DOCK1: variants seen among roughly 807,000 people sequenced by gnomAD.
DOCK1 encodes the protein dedicator of cytokinesis 1, also known as dedicator of cytokinesis protein 1.
A neutral mutation model predicts 262.7 loss-of-function variants in DOCK1; 138 were observed. The observed-to-expected ratio is 0.53, with a 90% CI of 0.46 to 0.61. The LOEUF is 0.61. Ranked by LOEUF, DOCK1 falls within the 20% of genes least tolerant of loss-of-function variation. The pLI is 0.00. For missense variants in DOCK1, 1,908 were observed against 2,370.7 expected, an observed-to-expected ratio of 0.80 and a Z score of 4.05; for synonymous variants, 866 against 867.4, an observed-to-expected ratio of 1.00 and a Z score of 0.03.
chr10:127,197,072 G>A (rs2057226162), intron 27 of DOCK1, among the ~76,000 whole-genome samples: 1 of 152,152 alleles, frequency 6.6e-6, no homozygotes, highest in Admixed American at 6.5e-5. Flanking sequence ...CAGGAGTTCG[G>A]GGATCCTTTC....
intron 27 of DOCK1, among the ~76,000 whole-genome samples, chr10:127,229,494 T>C (rs2058761693): frequency 6.6e-6 from 1 of 152,028 alleles, no homozygotes; most frequent in Admixed American, 6.5e-5. Flanking sequence ...TGTTTGTCTT[T>C]CTGTGCCTTA....
At chr10:127,432,633 A>G (rs374386689) in intron 47 of DOCK1, among the ~76,000 whole-genome samples, 13 of 152,136 alleles carry the variant, frequency 8.5e-5, no homozygotes, top group African/African-American at 3.1e-4. Flanking sequence ...TGCTTCTGTA[A>G]TATGTCAAGA....
At chr10:127,193,853 G>T (rs901730117) in intron 27 of DOCK1, among the ~76,000 whole-genome samples, 2 of 152,192 alleles carry the variant, frequency 1.3e-5, no homozygotes, top group African/African-American at 4.8e-5. Context: ...AGTAAACAGA[G>T]TAATAGAGTA....
intron 23 of DOCK1, among the ~76,000 whole-genome samples, chr10:127,085,336 G>A (rs1470274607): frequency 6.6e-6 from 1 of 152,184 alleles, no homozygotes; most frequent in African/African-American, 2.4e-5. Context: ...GGGTACAGGT[G>A]GCAGTAATAT....
In DOCK1 at chr10:127,362,878, C is replaced by CACATGT. The variant is rs1565026646; in HGVS notation, c.3432+670_3432+671insGTACAT. Among the ~76,000 whole-genome samples the CACATGT allele has an allele frequency of 4.0e-3, 525 of 130,938 alleles. 8 individuals are homozygous for CACATGT. The highest frequency in any genetic ancestry group is 3.9e-3 in the Admixed American group (53 of 13,454). The allele number at this position is 130,938 out of a possible 152,430, so 85.9% of individuals were successfully genotyped here. A position where few individuals can be genotyped will look rare whatever the true frequency, so the allele number is the denominator to read the frequency against. ...ATGTACATCCCCACACACACACATA[C>CACATGT]ACATCCCCACACACACACACATGTA... is the stretch of plus-strand genomic sequence containing the variant. On this transcript the variant is annotated intron_variant, in intron 33 of 51. Coordinates refer to ENST00000623213, the MANE Select transcript of DOCK1 (RefSeq NM_001290223.2).
rs190426322 is a variant in DOCK1 at position 127,265,537 on chromosome 10, T to G, written c.3044+8108T>G. ...GTGGCCTCTCCTCCTCTCCCCATGA[T>G]TCATCCTTCTTTCAACCAGGAAGTG... On this transcript the variant is annotated intron_variant, in intron 29 of 51. Coordinates refer to ENST00000623213, the MANE Select transcript of DOCK1 (RefSeq NM_001290223.2). 4.6e-5 allele frequency among the ~76,000 whole-genome samples: 7 copies of G among 152,308 alleles called. No homozygotes were observed. In the East Asian group the frequency reaches 1.4e-3, roughly 29 times the overall value.
intron 27 of DOCK1, among the ~76,000 whole-genome samples, chr10:127,215,030 G>A (rs1015094685): frequency 4.6e-5 from 7 of 151,924 alleles, no homozygotes; most frequent in Non-Finnish European, 8.8e-5. Context: ...AGTCTCCCTC[G>A]GGCACCCTGA....
intron 1 of DOCK1, among the ~76,000 whole-genome samples, chr10:126,928,194 G>A (rs1375920393): frequency 2.0e-5 from 3 of 152,158 alleles, no homozygotes; most frequent in Non-Finnish European, 4.4e-5. Context: ...GAAAGGACTC[G>A]GAGCCTCCCA....
chr10:127,135,865 T>C (rs2050646748), intron 27 of DOCK1: 1 of 152,664 alleles, frequency 6.6e-6, no homozygotes, highest in East Asian at 1.9e-4. Flanking sequence ...ACTGAGATAG[T>C]TGGGATTCTT....
At chr10:127,401,301 A>G (rs2067211583) in intron 38 of DOCK1, among the ~76,000 whole-genome samples, 1 of 152,178 alleles carries the variant, frequency 6.6e-6, no homozygotes, top group Non-Finnish European at 1.5e-5. Context: ...CAGCAACCTC[A>G]GTTCTCACCT....
At chr10:127,061,858 C>A in intron 23 of DOCK1, 82 bp downstream of exon 23, 1 of 1,045,028 alleles carries the variant, frequency 9.6e-7, no homozygotes. Context: ...ATTTTGATTA[C>A]AGTTAATTAA....
intron 1 of DOCK1, among the ~76,000 whole-genome samples, chr10:126,906,299 T>C (rs2030805971): frequency 6.6e-6 from 1 of 152,140 alleles, no homozygotes. Flanking sequence ...CGAGTGCGCA[T>C]TCCTGAGAGG....
At chr10:127,185,226 T>C (rs1172269260) in intron 27 of DOCK1, among the ~76,000 whole-genome samples, 1 of 152,138 alleles carries the variant, frequency 6.6e-6, no homozygotes, top group Non-Finnish European at 1.5e-5. Flanking sequence ...CTTTACTTAC[T>C]GGTTTAAGAA....
chr10:127,201,800 T>C (rs2057472989), intron 27 of DOCK1, among the ~76,000 whole-genome samples: 1 of 152,132 alleles, frequency 6.6e-6, no homozygotes, highest in Admixed American at 6.5e-5. Flanking sequence ...ACAGAAACCC[T>C]TTATTTTGTT....
chr10:127,333,551 C>T (rs1274673378), intron 29 of DOCK1, among the ~76,000 whole-genome samples: 2 of 152,206 alleles, frequency 1.3e-5, no homozygotes, highest in Non-Finnish European at 2.9e-5. Flanking sequence ...TTGTTACTGG[C>T]ACATGGCTTT....
At chr10:127,287,637 C>T (rs2061206351) in intron 29 of DOCK1, among the ~76,000 whole-genome samples, 1 of 152,292 alleles carries the variant, frequency 6.6e-6, no homozygotes, top group South Asian at 2.1e-4. Context: ...GATAGATCTA[C>T]AGACTCAGTG....
At position 127,262,644 on chromosome 10, in the gene DOCK1, C is replaced by T. The variant is rs186340377; in HGVS notation, c.3044+5215C>T. ...GTCTGGAGACAGCTTGTTGAGAGACCCTTAAGTATTCTTTGACACCTTTGC... is the reference window on the plus strand; with the variant it reads ...GTCTGGAGACAGCTTGTTGAGAGACTCTTAAGTATTCTTTGACACCTTTGC... On this transcript the variant is annotated intron_variant, in intron 29 of 51. Transcript: ENST00000623213. Among the ~76,000 whole-genome samples, 30 of 152,280 alleles carry T rather than the reference C, an allele frequency of 2.0e-4. No individual in the cohort carries two copies. In the East Asian group the frequency reaches 4.8e-3, roughly 24 times the overall value.
chr10:127,408,535 CCGTGTG>C (rs2067656105), intron 40 of DOCK1, among the ~76,000 whole-genome samples: 1 of 152,214 alleles, frequency 6.6e-6, no homozygotes, highest in Non-Finnish European at 1.5e-5. Flanking sequence ...CGCCCGGCGG[CCGTGTG>C]CAGGTGCTGG....
intron 25 of DOCK1, among the ~76,000 whole-genome samples, chr10:127,113,360 C>T (rs1017486461): frequency 6.6e-6 from 1 of 152,108 alleles, no homozygotes; most frequent in Non-Finnish European, 1.5e-5. Flanking sequence ...GTGGGGGCTC[C>T]CTGGGTGAAG....
Sources: allele counts gnomAD v4.1 joint callset (sites outside exome capture counted in the v4.1 genomes callset), GRCh38; gene constraint gnomAD v4.1.1; transcripts MANE v1.5; gene names NCBI Gene and HGNC (gene_info 2026-07-23, HGNC 2026-07-21).